SLC35F3: variants seen among roughly 807,000 people sequenced by gnomAD.
SLC35F3 encodes the protein solute carrier family 35 member F3.
Under a neutral mutation model 49.9 loss-of-function variants are expected in SLC35F3, and 25 were observed. The ratio of observed to expected loss-of-function variants is 0.50; its 90% confidence interval spans 0.37 to 0.70. The LOEUF is 0.70. SLC35F3 is among the 30% of genes least tolerant of loss of function. The pLI is 0.00. For synonymous variants in SLC35F3, 275 were observed against 265.4 expected (o/e 1.04, Z -0.35); for missense variants, 525 against 639.8 (o/e 0.82, Z 1.94).
intron 2 of SLC35F3, among the ~76,000 whole-genome samples, chr1:234,143,273 C>CTTTTCT (rs1665943855): frequency 8.3e-6 from 1 of 119,814 alleles, no homozygotes; most frequent in South Asian, 2.8e-4. Flanking sequence ...GAGTTTGACT[C>CTTTTCT]TTTTCTTTTC....
chr1:234,051,614 A>G lies in SLC35F3; in HGVS notation c.283+145856A>G, dbSNP rs555754148. ...AGACAATTTGACTTCCTGTTTTCCT[A>G]GTTGAATACCCTTTATTTCTTTCTC... On this transcript the variant is annotated intron_variant, in intron 2 of 7. Transcript: ENST00000366618. 1.5e-4 allele frequency among the ~76,000 whole-genome samples: 23 copies of G among 152,284 alleles called. No individual in the cohort carries two copies. In the South Asian group the frequency reaches 3.7e-3, roughly 25 times the overall value.
intron 2 of SLC35F3, among the ~76,000 whole-genome samples, chr1:234,127,268 A>AT (rs1279607689): frequency 1.3e-5 from 2 of 152,230 alleles, no homozygotes; most frequent in Admixed American, 1.3e-4. Context: ...CAGCTATTTA[A>AT]TAACCAGGTT....
Position 234,320,162 on chromosome 1 carries a change from C to T in SLC35F3, c.1212C>T (p.Ile404=), listed in dbSNP as rs761274959. ...VTYPTLMSLG[I]VLSIPVNAVI... ...ATCCCACTCTGATGTCTCTTGGAAT[C>T]GTCCTCAGCATACCTGTGAATGCAG... is the stretch of plus-strand genomic sequence containing the variant. Residue 404 remains isoleucine, a synonymous_variant, in exon 7 of 8, where the codon ATC becomes ATT. Transcript: ENST00000366618. This position sits in a 1 kb window ranked among gnomAD's most constrained non-coding sequence, Gnocchi z 4.8. 1.2e-5 allele frequency: 19 copies of T among 1,613,652 alleles called. No homozygotes were observed. The highest frequency in any genetic ancestry group is 2.7e-5 in the African/African-American group (2 of 74,884).
chr1:234,077,046 G>A (rs912458174), intron 2 of SLC35F3, among the ~76,000 whole-genome samples: 29 of 147,158 alleles, frequency 2.0e-4, no homozygotes, highest in African/African-American at 6.6e-4. Context: ...CGCCCAGGCC[G>A]GACTGCGGAC....
intron 2 of SLC35F3, among the ~76,000 whole-genome samples, chr1:234,130,587 C>T (rs1404346000): frequency 2.0e-5 from 3 of 147,004 alleles, no homozygotes; most frequent in East Asian, 1.9e-4. Flanking sequence ...TCCAGTGAGC[C>T]GAGAGATCGT....
intron 2 of SLC35F3, among the ~76,000 whole-genome samples, chr1:234,068,823 TTA>T (rs10645395): frequency 0.21 from 14,812 of 71,058 alleles, 2,972 homozygotes; most frequent in Middle Eastern, 0.33. Context: ...ATTTGAGACA[TTA>T]TATATATATA....
chr1:234,052,902 A>G (rs1325132422), intron 2 of SLC35F3, among the ~76,000 whole-genome samples: 1 of 152,236 alleles, frequency 6.6e-6, no homozygotes, highest in Non-Finnish European at 1.5e-5. Context: ...TGTACCCAGT[A>G]GTCACTCAGG....
chr1:233,910,623 G>A (rs544663461), intron 2 of SLC35F3, among the ~76,000 whole-genome samples: 22 of 152,286 alleles, frequency 1.4e-4, no homozygotes, highest in Non-Finnish European at 2.8e-4. Context: ...TTCCCTTTCC[G>A]AAAGGTTTCC....
In SLC35F3 at chr1:234,068,823, TTATATATATATATATATATA is replaced by T. The variant is rs10645395; in HGVS notation, c.284-162580_284-162561del. ...GAGTGACAGGATAAGATTTGAGACA[TTATATATATATATATATATA>T]TATATATATATATGGCATATTTATA... On this transcript the variant is annotated intron_variant, in intron 2 of 7. Transcript: ENST00000366618. Among the ~76,000 whole-genome samples the T allele has an allele frequency of 9.8e-4, 70 of 71,154 alleles. 5 individuals carry two copies. The highest frequency in any genetic ancestry group is 3.6e-3 in the African/African-American group (61 of 17,000). The allele number at this position is 71,154 out of a possible 152,430, so 46.7% of individuals were successfully genotyped here.
chr1:233,908,536 CTTTTTTTTTTTT>C (rs898041195), intron 2 of SLC35F3, among the ~76,000 whole-genome samples: 17 of 84,892 alleles, frequency 2.0e-4, no homozygotes, highest in African/African-American at 3.2e-4. Context: ...GTAAAGGATT[CTTTTTTTTTTTT>C]TTTTTTTTTT....
chr1:234,042,596 A>T (rs1260084017), intron 2 of SLC35F3, among the ~76,000 whole-genome samples: 1 of 152,210 alleles, frequency 6.6e-6, no homozygotes, highest in Non-Finnish European at 1.5e-5. Context: ...TTGCTAATTT[A>T]AAAAGTAATT....
intron 3 of SLC35F3, among the ~76,000 whole-genome samples, chr1:234,265,748 C>G (rs76465425): frequency 0.053 from 8,102 of 152,268 alleles, 263 homozygotes; most frequent in South Asian, 0.086. Flanking sequence ...ACTCAAACCC[C>G]TGTAGTGCCC....
At chr1:234,224,991 T>C (rs1032234569) in intron 2 of SLC35F3, among the ~76,000 whole-genome samples, 16 of 152,376 alleles carry the variant, frequency 1.1e-4, no homozygotes, top group African/African-American at 3.8e-4. Flanking sequence ...GAACCTATGC[T>C]AGTCAGGAGC....
intron 2 of SLC35F3, among the ~76,000 whole-genome samples, chr1:233,982,594 G>A (rs756875511): frequency 9.9e-5 from 15 of 152,082 alleles, no homozygotes; most frequent in Non-Finnish European, 2.1e-4. Context: ...GCCTGGTCTC[G>A]AACTCCTGAC....
intron 2 of SLC35F3, among the ~76,000 whole-genome samples, chr1:233,967,569 A>G (rs1662923988): frequency 6.6e-6 from 1 of 152,178 alleles, no homozygotes; most frequent in African/African-American, 2.4e-5. Flanking sequence ...TTTACTGATC[A>G]TGTTTATGAT....
At chr1:233,908,560 TTG>T (rs1237561600) in intron 2 of SLC35F3, among the ~76,000 whole-genome samples, 125 of 147,330 alleles carry the variant, frequency 8.5e-4, no homozygotes, top group African/African-American at 2.9e-3. Flanking sequence ...TTTTTTTTTT[TTG>T]ACAGAGTCTT....
At chr1:233,948,070 T>C (rs948956978) in intron 2 of SLC35F3, among the ~76,000 whole-genome samples, 9 of 148,650 alleles carry the variant, frequency 6.1e-5, no homozygotes, top group African/African-American at 2.2e-4. Context: ...GGTGGAAAAT[T>C]AGGTAAGGCA....
chr1:234,181,772 G>A (rs1031813325), intron 2 of SLC35F3, among the ~76,000 whole-genome samples: 1 of 151,690 alleles, frequency 6.6e-6, no homozygotes, highest in African/African-American at 2.4e-5. Flanking sequence ...ACCTTATTCT[G>A]GTTTTTTCTT....
At chr1:233,983,235 G>T (rs1306361009) in intron 2 of SLC35F3, among the ~76,000 whole-genome samples, 1 of 151,954 alleles carries the variant, frequency 6.6e-6, no homozygotes, top group African/African-American at 2.4e-5. Flanking sequence ...TTGCCATCAT[G>T]AAACTTGTTA....
Sources: gnomAD v4.1 joint callset for allele counts (sites outside exome capture counted in the v4.1 genomes callset) on GRCh38, gnomAD v4.1.1 for gene constraint, Gnocchi (gnomAD v3.1) non-coding constraint, MANE v1.5 for transcripts, NCBI Gene and HGNC (gene_info 2026-07-23, HGNC 2026-07-21) for gene names.